YWHAQ: variants seen among roughly 807,000 people sequenced by gnomAD.
YWHAQ encodes 14-3-3 protein theta.
YWHAQ carries 6 observed loss-of-function variants against 28.3 expected under a neutral mutation model. That is an observed-to-expected ratio of 0.21 (90% confidence interval 0.12 to 0.42). The LOEUF is 0.42. Among genes scored for constraint, YWHAQ ranks in the 10% least tolerant of loss-of-function variants. The pLI is 1.00. For synonymous variants in YWHAQ, 143 were observed against 119.1 expected, an observed-to-expected ratio of 1.20 and a Z score of -1.31; for missense variants, 201 against 305.6, an observed-to-expected ratio of 0.66 and a Z score of 2.55.
Position 9,585,029 on chromosome 2 carries a change from GTGTT to G in YWHAQ, c.*253_*256del, listed in dbSNP as rs1405611161. On this transcript the variant is annotated 3_prime_UTR_variant, in exon 6 of 6. Coordinates refer to ENST00000238081, the MANE Select transcript of YWHAQ (RefSeq NM_006826.4). ...GATACATTTTTAGTCCTCTACATAA[GTGTT>G]TGGGAGTTACTTATGTTTATATGAA... The G allele has an allele frequency of 6.4e-6, 3 of 468,758 alleles. No homozygotes were observed. The East Asian group carries it at 1.1e-4, about 17-fold the overall frequency. The allele number at this position is 468,758 out of a possible 1,614,324, so 29.0% of individuals were successfully genotyped here.
intron 2 of YWHAQ, among the ~76,000 whole-genome samples, chr2:9,623,466 AC>A (rs1176548909): frequency 6.6e-6 from 1 of 152,242 alleles, no homozygotes; most frequent in Non-Finnish European, 1.5e-5. Context: ...GACAGTGTTC[AC>A]CACTGCATTA....
rs137967739 is a variant in YWHAQ, at chr2:9,591,113, CAA to C, written c.418+277_418+278del. The stretch of plus-strand genomic sequence containing the variant: ...CTCTGGAGCTAAAAATATGGTGAAC[CAA>C]AATTCTAAAAAGCATAAAAGATTAA... On this transcript the variant is annotated intron_variant, in intron 3 of 5. Transcript: ENST00000238081. Among the ~76,000 whole-genome samples the C allele has an allele frequency of 4.1e-3, 626 of 151,994 alleles. 8 individuals are homozygous for C. Among genetic ancestry groups the C allele is most frequent in the African/African-American group, 0.014 (594 of 41,454 alleles).
intron 5 of YWHAQ, among the ~76,000 whole-genome samples, chr2:9,586,675 T>C (rs1254991143): frequency 2.6e-5 from 4 of 152,190 alleles, no homozygotes; most frequent in Non-Finnish European, 5.9e-5. Context: ...TTCAGCAAAA[T>C]TGAATAGACA....
At chr2:9,626,436 G>GTTTTGT (rs567029744) in intron 2 of YWHAQ, among the ~76,000 whole-genome samples, 101 of 152,190 alleles carry the variant, frequency 6.6e-4, no homozygotes, top group African/African-American at 2.4e-3. Flanking sequence ...TAAGCCCAGG[G>GTTTTGT]TTTTGTTTTT....
intron 2 of YWHAQ, among the ~76,000 whole-genome samples, chr2:9,600,339 G>A (rs1010302344): frequency 1.5e-4 from 23 of 152,224 alleles, no homozygotes; most frequent in African/African-American, 5.3e-4. Flanking sequence ...CAGGGTTTGA[G>A]AGGATTGCCT....
intron 2 of YWHAQ, among the ~76,000 whole-genome samples, chr2:9,602,853 AAAAAAAAAAATATATATATAT>A (rs1666734521): frequency 6.4e-5 from 1 of 15,572 alleles, no homozygotes; most frequent in Non-Finnish European, 1.3e-4. Flanking sequence ...AAAAAAAAAA[AAAAAAAAAAATATATATATAT>A]ATATATATAT....
chr2:9,591,310 T>A, intron 3 of YWHAQ, 82 bp downstream of exon 3: 2 of 1,490,266 alleles, frequency 1.3e-6, no homozygotes, highest in Non-Finnish European at 1.8e-6. Context: ...GCCTGAAGAC[T>A]ACGTATACTG....
At chr2:9,604,625 A>G (rs1572995490) in intron 2 of YWHAQ, among the ~76,000 whole-genome samples, 1 of 152,158 alleles carries the variant, frequency 6.6e-6, no homozygotes, top group East Asian at 1.9e-4. Flanking sequence ...ATGGATCACA[A>G]ACACAGTATT....
chr2:9,599,592 C>A (rs930392764), intron 2 of YWHAQ, among the ~76,000 whole-genome samples: 2 of 152,196 alleles, frequency 1.3e-5, no homozygotes, highest in African/African-American at 4.8e-5. Flanking sequence ...ACAAATGGAA[C>A]AACCAACCAA....
intron 2 of YWHAQ, among the ~76,000 whole-genome samples, chr2:9,623,216 CTGGTCACCAGATTTTTG>C (rs1444902668): frequency 6.6e-6 from 1 of 152,226 alleles, no homozygotes; most frequent in Non-Finnish European, 1.5e-5. Flanking sequence ...GTTAAACCTT[CTGGTCACCAGATTTTTG>C]TTAGCCTTAA....
intron 2 of YWHAQ, among the ~76,000 whole-genome samples, chr2:9,602,862 AATATATATATATATATAT>A (rs71413909): frequency 0.013 from 268 of 20,802 alleles, 8 homozygotes; most frequent in African/African-American, 0.037. Context: ...AAAAAAAAAA[AATATATATATATATATAT>A]ATATATATAT....
At chr2:9,594,598 T>TGC (rs1211056409) in intron 2 of YWHAQ, among the ~76,000 whole-genome samples, 1 of 152,176 alleles carries the variant, frequency 6.6e-6, no homozygotes, top group African/African-American at 2.4e-5. Flanking sequence ...TAAAGTAAGA[T>TGC]GCCTCTCACT....
chr2:9,614,565 T>C (rs1324676900), intron 2 of YWHAQ, among the ~76,000 whole-genome samples: 1 of 152,242 alleles, frequency 6.6e-6, no homozygotes, highest in Non-Finnish European at 1.5e-5. Flanking sequence ...AATAAAAGGA[T>C]GTTGCATTAA....
chr2:9,627,173 TCA>T (rs1259371404), intron 2 of YWHAQ, among the ~76,000 whole-genome samples: 3 of 152,252 alleles, frequency 2.0e-5, no homozygotes, highest in Middle Eastern at 3.2e-3. Context: ...TGAGAGTTGT[TCA>T]CACAGTTATT....
At chr2:9,605,582 AC>A in intron 2 of YWHAQ, among the ~76,000 whole-genome samples, 1 of 152,198 alleles carries the variant, frequency 6.6e-6, no homozygotes, top group South Asian at 2.1e-4. Context: ...TGTTTCTGAG[AC>A]AGGGTCTCAA....
intron 2 of YWHAQ, among the ~76,000 whole-genome samples, chr2:9,598,227 C>A (rs1271997536): frequency 6.6e-6 from 1 of 152,062 alleles, no homozygotes; most frequent in Non-Finnish European, 1.5e-5. Context: ...AGTTGCAAAG[C>A]CTAATCAGAT....
chr2:9,593,790 T>C (rs1386723850), intron 2 of YWHAQ, among the ~76,000 whole-genome samples: 1 of 151,698 alleles, frequency 6.6e-6, no homozygotes, highest in Non-Finnish European at 1.5e-5. Flanking sequence ...ATCGTGCCAC[T>C]GCATTCCAGC....
At chr2:9,622,039 C>T (rs1158547269) in intron 2 of YWHAQ, among the ~76,000 whole-genome samples, 1 of 151,972 alleles carries the variant, frequency 6.6e-6, no homozygotes, top group African/African-American at 2.4e-5. Flanking sequence ...ACTGTCAGGG[C>T]GTCGGGGGCT....
In YWHAQ at chr2:9,630,316, A is replaced by C; in HGVS notation, c.137T>G (p.Val46Gly). The change falls in exon 2 of 6, where the codon GTG becomes GGG. Residue 46 changes from valine (V) to glycine (G), a missense_variant. Val to Gly is a moderately radical substitution (Grantham distance 109). Around this residue, in one of 2 missense-constraint regions of YWHAQ, gnomAD observed 162 missense variants for 213.9 expected, o/e 0.76. Coordinates refer to ENST00000238081, the MANE Select transcript of YWHAQ (RefSeq NM_006826.4). This position sits in a 1 kb window ranked among gnomAD's most constrained non-coding sequence, Gnocchi z 5.6. ...GCCCCCGACCACGTTCTTGTAGGCC[A>C]CGGAGAGCAGGTTGCGCTCCTCGTT... Reference protein sequence around the residue: ...LSNEERNLLSVAYKNVVGGRR... With the variant: ...LSNEERNLLSGAYKNVVGGRR... 1 of 1,614,160 alleles carries C rather than the reference A, an allele frequency of 6.2e-7. No homozygotes were observed. The highest frequency in any genetic ancestry group is 8.5e-7 in the Non-Finnish European group (1 of 1,180,040).
Sources: gnomAD v4.1 joint callset for allele counts (sites outside exome capture counted in the v4.1 genomes callset) on GRCh38, gnomAD v4.1.1 for gene constraint, gnomAD v4.1.1 regional missense constraint, Gnocchi (gnomAD v3.1) non-coding constraint, MANE v1.5 for transcripts, NCBI Gene and HGNC (gene_info 2026-07-23, HGNC 2026-07-21) for gene names.